ENKUR: variants seen among roughly 807,000 people sequenced by gnomAD.
The protein encoded by ENKUR is enkurin.
In ENKUR, 19 loss-of-function variants were observed where a neutral mutation model predicts 27.6. The ratio of observed to expected loss-of-function variants is 0.69; its 90% confidence interval spans 0.48 to 1.01. The LOEUF is 1.01. Among genes scored for constraint, ENKUR ranks in the 50% least tolerant of loss-of-function variants. ENKUR has a pLI of 0.00. For synonymous variants in ENKUR, 117 were observed against 96.9 expected (o/e 1.21, Z -1.22); for missense variants, 312 against 310.5 (o/e 1.00, Z -0.04).
rs142354802 is a variant in ENKUR at position 25,009,719 on chromosome 10, G to C, written c.77+6141C>G. ...ACCCAGTGGGAGGTAAGTGAATCAT[G>C]GGGGTAGGTCTTTCCCATGCTGTTC... On this transcript the variant is annotated intron_variant, in intron 1 of 5. Coordinates refer to ENST00000331161, the MANE Select transcript of ENKUR (RefSeq NM_145010.4). 8.3e-4 allele frequency among the ~76,000 whole-genome samples: 127 copies of C among 152,206 alleles called. 1 individual carries two copies. Among genetic ancestry groups the C allele is most frequent in the African/African-American group, 3.0e-3 (124 of 41,526 alleles).
intron 2 of ENKUR, chr10:25,024,087 C>T (rs150015345): frequency 7.4e-5 from 120 of 1,614,142 alleles, no homozygotes; most frequent in African/African-American, 2.9e-4. Context: ...GAGCAACCTA[C>T]GTAGAAAGAG....
chr10:25,017,645 T>C (rs1850634256), upstream of ENKUR, among the ~76,000 whole-genome samples: 1 of 151,564 alleles, frequency 6.6e-6, no homozygotes, highest in Non-Finnish European at 1.5e-5. Flanking sequence ...TGTATACAGT[T>C]GATTTTAATT....
chr10:25,059,753 G>A (rs998387796), intron 2 of ENKUR, among the ~76,000 whole-genome samples: 8 of 152,002 alleles, frequency 5.3e-5, no homozygotes, highest in African/African-American at 1.9e-4. Context: ...CAACCCAGGA[G>A]TTTGAAACTG....
At chr10:24,987,958 C>T (rs971891077) in intron 4 of ENKUR, among the ~76,000 whole-genome samples, 67 of 151,962 alleles carry the variant, frequency 4.4e-4, no homozygotes, top group African/African-American at 1.4e-3. Flanking sequence ...GATTGGCTCA[C>T]GCCTGTAATC....
intron 2 of ENKUR, among the ~76,000 whole-genome samples, chr10:25,058,858 G>A (rs1310005170): frequency 6.6e-6 from 1 of 151,186 alleles, no homozygotes; most frequent in Non-Finnish European, 1.5e-5. Flanking sequence ...TTGAACACAG[G>A]AGGTAGAGGT....
At chr10:25,015,328 A>G (rs1213948905) in intron 1 of ENKUR, among the ~76,000 whole-genome samples, 1 of 152,178 alleles carries the variant, frequency 6.6e-6, no homozygotes, top group African/African-American at 2.4e-5. Flanking sequence ...GTCCTTAGAA[A>G]CTGCCTAATA....
At chr10:25,042,171 G>GA (rs1386033889) in intron 2 of ENKUR, among the ~76,000 whole-genome samples, 1 of 150,614 alleles carries the variant, frequency 6.6e-6, no homozygotes. Flanking sequence ...AAATGTTTCT[G>GA]AAAAAAATTA....
intron 1 of ENKUR, 151 bp downstream of exon 1, chr10:25,015,709 C>T: frequency 1.5e-6 from 1 of 669,134 alleles, no homozygotes. Context: ...GATATTTCGA[C>T]CTTTTCTCTA....
chr10:25,061,798 C>T (rs1285869862), intron 1 of ENKUR, among the ~76,000 whole-genome samples: 1 of 152,226 alleles, frequency 6.6e-6, no homozygotes, highest in East Asian at 1.9e-4. Flanking sequence ...CTCCCTTCAT[C>T]TCTGTCTCTT....
intron 2 of ENKUR, among the ~76,000 whole-genome samples, chr10:25,027,356 TCA>T (rs1491267264): frequency 0.012 from 545 of 45,720 alleles, 38 homozygotes; most frequent in African/African-American, 0.041. Context: ...GACTCCCGTC[TCA>T]AAAAAAAAAA....
At position 25,016,088 on chromosome 10, in the gene ENKUR, C is replaced by T. The variant is rs1435884275; in HGVS notation, c.-152G>A. ...TCCTTCACATCGTCCCCCTTTAACCCCCTCTTAGCAGTCCTCTCTCGGGAA... is the reference window on the plus strand; with the variant it reads ...TCCTTCACATCGTCCCCCTTTAACCTCCTCTTAGCAGTCCTCTCTCGGGAA... On this transcript the variant is annotated 5_prime_UTR_variant, in exon 1 of 6. Coordinates refer to ENST00000331161, the MANE Select transcript of ENKUR (RefSeq NM_145010.4). 2 of 1,348,580 alleles carry T rather than the reference C, an allele frequency of 1.5e-6. No individual in the cohort carries two copies. Among genetic ancestry groups the T allele is most frequent in the Non-Finnish European group, 1.9e-6 (2 of 1,046,560 alleles). The allele number at this position is 1,348,580 out of a possible 1,614,324, so 83.5% of individuals were successfully genotyped here.
At chr10:25,025,570 T>A in intron 2 of ENKUR, 1 of 1,042,966 alleles carries the variant, frequency 9.6e-7, no homozygotes, top group Non-Finnish European at 1.4e-6. Context: ...TATATCTGTT[T>A]GGAATTTCAA....
chr10:25,025,633 TTAATC>T, intron 2 of ENKUR: 1 of 633,614 alleles, frequency 1.6e-6, no homozygotes, highest in Non-Finnish European at 2.7e-6. Context: ...CCTCAGATCT[TTAATC>T]TGGAAGTGAC....
chr10:25,047,586 G>C (rs1217154480), intron 2 of ENKUR, among the ~76,000 whole-genome samples: 1 of 152,136 alleles, frequency 6.6e-6, no homozygotes, highest in Admixed American at 6.6e-5. Flanking sequence ...TCAACAATTA[G>C]AAACAAAGCA....
intron 1 of ENKUR, among the ~76,000 whole-genome samples, chr10:25,003,216 C>T (rs951574481): frequency 2.0e-5 from 3 of 151,682 alleles, no homozygotes; most frequent in African/African-American, 7.3e-5. Context: ...TTTGCCCGCT[C>T]TGTTGCCCAG....
At chr10:25,005,130 G>C (rs1301146420) in intron 1 of ENKUR, among the ~76,000 whole-genome samples, 3 of 152,042 alleles carry the variant, frequency 2.0e-5, no homozygotes, top group Non-Finnish European at 4.4e-5. Context: ...GTCTGTTCTT[G>C]TACCAGTACC....
At chr10:25,030,741 G>A (rs1162067100) in intron 2 of ENKUR, among the ~76,000 whole-genome samples, 1 of 152,024 alleles carries the variant, frequency 6.6e-6, no homozygotes, top group African/African-American at 2.4e-5. Flanking sequence ...ATCTTATATT[G>A]TCTGTTCTTT....
In ENKUR at chr10:25,024,378, AG is replaced by A. The variant is rs767850816; in HGVS notation, c.38-28510del. ...CTACTTCAGGAGACACAGGGAGTGC[AG>A]TCTTAAATGGTTTTAGTCGTCTAAA... On this transcript the variant is annotated intron_variant, in intron 2 of 5. Transcript: ENST00000615958. The A allele has an allele frequency of 3.1e-6, 5 of 1,614,016 alleles. No homozygotes were observed. In the South Asian group the frequency reaches 5.5e-5, roughly 18 times the overall value.
intron 1 of ENKUR, among the ~76,000 whole-genome samples, chr10:25,012,952 T>C (rs1156660047): frequency 1.3e-5 from 2 of 152,208 alleles, no homozygotes; most frequent in Non-Finnish European, 1.5e-5. Context: ...AATTCCCATA[T>C]GTCATGGGAG....
Sources: allele counts gnomAD v4.1 joint callset (sites outside exome capture counted in the v4.1 genomes callset), GRCh38; gene constraint gnomAD v4.1.1; transcripts MANE v1.5; gene names NCBI Gene and HGNC (gene_info 2026-07-23, HGNC 2026-07-21).